The following SEMA6A variants were observed in gnomAD, a reference collection of about 807,000 sequenced individuals.
SEMA6A encodes the protein semaphorin 6A, also known as semaphorin-6A.
SEMA6A carries 25 observed loss-of-function variants against 96.8 expected under a neutral mutation model. That is an observed-to-expected ratio of 0.26 (90% CI 0.19 to 0.36). The LOEUF is 0.36. SEMA6A is among the 10% of genes least tolerant of loss of function. The pLI is 1.00. For missense variants in SEMA6A, 1,363 were observed against 1,323.1 expected (o/e 1.03, Z -0.47); for synonymous variants, 612 against 518.0 (o/e 1.18, Z -2.46).
rs3073761 is a variant in SEMA6A at position 116,467,882 on chromosome 5, AGTGGTG to A, written c.1730-141_1730-136del. On this transcript the variant is annotated intron_variant, in intron 17 of 18. Transcript: ENST00000343348. Reference sequence around the variant, plus strand: ...GATGGCCCTAGAAATGACACGGCTTAGTGGTGGTGGTGGTGGTGGTGGTGGTGGTGG... The same window carrying A: ...GATGGCCCTAGAAATGACACGGCTTAGTGGTGGTGGTGGTGGTGGTGGTGG... 1,668 of 541,404 alleles carry A rather than the reference AGTGGTG, an allele frequency of 3.1e-3. 9 individuals are homozygous for A. Among genetic ancestry groups the A allele is most frequent in the East Asian group, 0.024 (649 of 27,534 alleles). The allele number at this position is 541,404 out of a possible 1,614,324, so 33.5% of individuals were successfully genotyped here.
At chr5:116,461,339 C>T (rs1166143260) in intron 18 of SEMA6A, among the ~76,000 whole-genome samples, 1 of 152,108 alleles carries the variant, frequency 6.6e-6, no homozygotes, top group Non-Finnish European at 1.5e-5. Context: ...ATTAGTACTC[C>T]CCAAGACAGG....
intron 1 of SEMA6A, among the ~76,000 whole-genome samples, chr5:116,557,919 A>G (rs1760671119): frequency 2.0e-5 from 3 of 151,532 alleles, no homozygotes; most frequent in Admixed American, 1.3e-4. Context: ...ACAACTATGC[A>G]ATAATGTGGC....
intron 1 of SEMA6A, among the ~76,000 whole-genome samples, chr5:116,545,334 CT>C (rs1760141774): frequency 6.6e-6 from 1 of 152,134 alleles, no homozygotes; most frequent in South Asian, 2.1e-4. Context: ...CTTTGGGAGG[CT>C]GAGGTGGGCG....
intron 1 of SEMA6A, among the ~76,000 whole-genome samples, chr5:116,513,591 T>C (rs1580459206): frequency 6.7e-6 from 1 of 149,506 alleles, no homozygotes; most frequent in East Asian, 1.9e-4. Context: ...CAAACCTTCC[T>C]CTTGATTTTC....
At chr5:116,559,330 C>CG (rs2112900701) in intron 1 of SEMA6A, among the ~76,000 whole-genome samples, 1 of 152,256 alleles carries the variant, frequency 6.6e-6, no homozygotes, top group Admixed American at 6.5e-5. Flanking sequence ...AGGCCTGGTG[C>CG]GTCGCCCAGA....
At chr5:116,480,782 G>C (rs904729146) in intron 11 of SEMA6A, among the ~76,000 whole-genome samples, 1 of 152,182 alleles carries the variant, frequency 6.6e-6, no homozygotes, top group African/African-American at 2.4e-5. Flanking sequence ...CTCGCTCAGA[G>C]AACATTTTGG....
chr5:116,474,278 G>GCACATGCACA (rs1554083461), intron 16 of SEMA6A, among the ~76,000 whole-genome samples: 1 of 147,300 alleles, frequency 6.8e-6, no homozygotes, highest in Admixed American at 6.8e-5. Flanking sequence ...GTGCACGCAT[G>GCACATGCACA]CACACACACA....
intron 18 of SEMA6A, among the ~76,000 whole-genome samples, chr5:116,466,704 C>T (rs1438868144): frequency 6.6e-6 from 1 of 152,202 alleles, no homozygotes; most frequent in African/African-American, 2.4e-5. Flanking sequence ...CCTTGAAACT[C>T]AAACTCCCGC....
chr5:116,495,843 T>C (rs1242581598), intron 5 of SEMA6A: 3 of 348,108 alleles, frequency 8.6e-6, no homozygotes, highest in Non-Finnish European at 1.6e-5. Flanking sequence ...ACAAAGCTGC[T>C]GGTTGAAGTG....
intron 1 of SEMA6A, among the ~76,000 whole-genome samples, chr5:116,571,109 A>G (rs1422626293): frequency 1.3e-5 from 2 of 152,190 alleles, no homozygotes; most frequent in South Asian, 2.1e-4. Flanking sequence ...TTGAAGGCAT[A>G]TATTTTTTTT....
chr5:116,522,837 C>T (rs1759021821), intron 1 of SEMA6A, among the ~76,000 whole-genome samples: 1 of 152,104 alleles, frequency 6.6e-6, no homozygotes, highest in South Asian at 2.1e-4. Context: ...GCAAAGGAAG[C>T]CCAAATGCTG....
chr5:116,480,681 G>A (rs532200320), intron 11 of SEMA6A, among the ~76,000 whole-genome samples: 35 of 151,998 alleles, frequency 2.3e-4, no homozygotes, highest in African/African-American at 8.5e-4. Context: ...TTAGGTTGAC[G>A]TTTTCGCAAG....
At position 116,456,444 on chromosome 5, in the gene SEMA6A, C is replaced by T. The variant is rs1000002187; in HGVS notation, c.1895-8633G>A. ...TCATGCTCTGACAAAGAATAGAAAT[C>T]GACCTTGTTTTATTGGAAAGACAAT... On this transcript the variant is annotated intron_variant, in intron 18 of 18. Transcript: ENST00000343348. Among the ~76,000 whole-genome samples the T allele has an allele frequency of 2.6e-5, 4 of 152,158 alleles. No individual in the cohort carries two copies. The East Asian group carries it at 5.8e-4, about 22-fold the overall frequency.
chr5:116,474,483 A>G (rs1307991228), intron 16 of SEMA6A, among the ~76,000 whole-genome samples: 6 of 152,206 alleles, frequency 3.9e-5, no homozygotes, highest in African/African-American at 1.4e-4. Context: ...TTTTGTGTGT[A>G]AGACATAATA....
intron 1 of SEMA6A, among the ~76,000 whole-genome samples, chr5:116,509,598 C>CTG (rs201070496): frequency 2.9e-4 from 30 of 102,558 alleles, no homozygotes; most frequent in African/African-American, 1.2e-3. Flanking sequence ...AAGGGTGTCT[C>CTG]TGTGTGTGTG....
At chr5:116,476,551 C>G (rs1372949440) in intron 15 of SEMA6A, among the ~76,000 whole-genome samples, 1 of 152,162 alleles carries the variant, frequency 6.6e-6, no homozygotes, top group Non-Finnish European at 1.5e-5. Flanking sequence ...CCCTGGAGCC[C>G]ACTCTCCAAA....
chr5:116,504,844 C>G lies in SEMA6A; in HGVS notation c.100+1G>C, dbSNP rs1304584740. 1 of 1,592,092 alleles carries G rather than the reference C, an allele frequency of 6.3e-7. No individual in the cohort carries two copies. Among genetic ancestry groups the G allele is most frequent in the Non-Finnish European group, 8.6e-7 (1 of 1,168,004 alleles). On this transcript the variant is annotated splice_donor_variant, in intron 2 of 18. Transcript: ENST00000343348. LOFTEE classifies it high-confidence loss of function. The stretch of plus-strand genomic sequence containing the variant: ...CACTGAGTGAGACCATGGGTACTTA[C>G]AGTTGCCATGCGAAATACTGATTGG...
At chr5:116,503,107 A>T (rs1757968450) in intron 2 of SEMA6A, among the ~76,000 whole-genome samples, 1 of 152,152 alleles carries the variant, frequency 6.6e-6, no homozygotes, top group South Asian at 2.1e-4. Context: ...CTACATCTCA[A>T]CATCTCTGCC....
intron 1 of SEMA6A, among the ~76,000 whole-genome samples, chr5:116,539,674 A>G (rs1290969439): frequency 1.3e-4 from 19 of 151,958 alleles, no homozygotes; most frequent in Admixed American, 1.2e-3. Flanking sequence ...AATATACATA[A>G]TAACTGATGG....
Sources: allele counts gnomAD v4.1 joint callset (sites outside exome capture counted in the v4.1 genomes callset), GRCh38; gene constraint gnomAD v4.1.1; transcripts MANE v1.5; gene names NCBI Gene and HGNC (gene_info 2026-07-23, HGNC 2026-07-21).